The following NRG3 variants were observed in gnomAD, a reference collection of about 807,000 sequenced individuals.
NRG3 encodes pro-neuregulin-3, membrane-bound isoform.
NRG3 carries 31 observed loss-of-function variants against 66.9 expected under a neutral mutation model. The ratio of observed to expected loss-of-function variants is 0.46; its 90% confidence interval spans 0.35 to 0.63. The LOEUF (loss-of-function observed/expected upper bound fraction) is 0.63. Ranked by LOEUF, NRG3 falls within the 20% of genes least tolerant of loss-of-function variation. The probability of loss-of-function intolerance (pLI) is 0.00; values close to 1 mark genes in which losing one functional copy is unlikely to be tolerated. For synonymous variants in NRG3, 393 were observed against 359.4 expected (o/e 1.09, Z -1.06); for missense variants, 910 against 878.9 (o/e 1.04, Z -0.45).
At chr10:81,982,538 A>G (rs1362036000) in intron 1 of NRG3, among the ~76,000 whole-genome samples, 1 of 152,202 alleles carries the variant, frequency 6.6e-6, no homozygotes, top group Non-Finnish European at 1.5e-5. Context: ...AATACCACAG[A>G]CAACAAAAAT....
At chr10:82,330,418 A>C (rs2082087544) in intron 1 of NRG3, among the ~76,000 whole-genome samples, 1 of 152,180 alleles carries the variant, frequency 6.6e-6, no homozygotes, top group Admixed American at 6.5e-5. Context: ...GTTTATAATC[A>C]GGTTAACAGA....
intron 4 of NRG3, among the ~76,000 whole-genome samples, chr10:82,874,315 T>C (rs1591797107): frequency 2.0e-5 from 3 of 152,112 alleles, no homozygotes. Context: ...CCTTTAAATC[T>C]AACAGGCTCA....
chr10:82,894,964 A>G (rs775574115), intron 4 of NRG3, among the ~76,000 whole-genome samples: 8 of 151,262 alleles, frequency 5.3e-5, no homozygotes, highest in African/African-American at 1.9e-4. Flanking sequence ...TCTTTGTTCA[A>G]CTCCCACTTA....
intron 1 of NRG3, among the ~76,000 whole-genome samples, chr10:82,116,695 T>A (rs1426270596): frequency 6.6e-6 from 1 of 152,182 alleles, no homozygotes; most frequent in African/African-American, 2.4e-5. Flanking sequence ...AATAGACATA[T>A]AACTCTTCCT....
intron 2 of NRG3, among the ~76,000 whole-genome samples, chr10:82,418,751 C>G (rs1288402847): frequency 1.3e-5 from 2 of 150,716 alleles, no homozygotes; most frequent in East Asian, 2.0e-4. Context: ...TACATGCCAC[C>G]ATGCCCTGCT....
intron 1 of NRG3, among the ~76,000 whole-genome samples, chr10:81,929,062 C>T (rs568382158): frequency 2.0e-4 from 30 of 152,186 alleles, no homozygotes; most frequent in East Asian, 1.2e-3. Flanking sequence ...TCTGGGCACG[C>T]GCAGTTCTCC....
At chr10:82,225,892 C>T (rs1203984600) in intron 1 of NRG3, among the ~76,000 whole-genome samples, 4 of 152,094 alleles carry the variant, frequency 2.6e-5, no homozygotes, top group East Asian at 1.9e-4. Context: ...ATTAAGATCA[C>T]GTGGCATATT....
intron 4 of NRG3, among the ~76,000 whole-genome samples, chr10:82,887,513 G>C (rs1406435916): frequency 6.6e-6 from 1 of 152,184 alleles, no homozygotes; most frequent in Admixed American, 6.5e-5. Context: ...ATAATTTGCT[G>C]TGAGGTAATT....
intron 2 of NRG3, among the ~76,000 whole-genome samples, chr10:82,627,138 A>T (rs1456883919): frequency 6.6e-6 from 1 of 152,144 alleles, no homozygotes; most frequent in Non-Finnish European, 1.5e-5. Flanking sequence ...GGATCTCCAG[A>T]AGTCCTGTGG....
In NRG3 at chr10:82,482,920, A is replaced by C. The variant is rs1360953934; in HGVS notation, c.953+124052A>C. 2.6e-5 allele frequency among the ~76,000 whole-genome samples: 4 copies of C among 152,146 alleles called. No individual in the cohort carries two copies. In the East Asian group the frequency reaches 7.7e-4, roughly 29 times the overall value. Reference sequence around the variant, plus strand: ...TACAGAGTCTGAGTGAACCAAAATGAGCCTTGGAGGGAGTAAATCTTACTG... The same window carrying C: ...TACAGAGTCTGAGTGAACCAAAATGCGCCTTGGAGGGAGTAAATCTTACTG... On this transcript the variant is annotated intron_variant, in intron 2 of 8. Transcript: ENST00000372141.
chr10:81,899,536 G>A (rs1193215285), intron 1 of NRG3, among the ~76,000 whole-genome samples: 1 of 152,188 alleles, frequency 6.6e-6, no homozygotes, highest in East Asian at 1.9e-4. Context: ...AGAGGTAAGG[G>A]GGAATGTGCT....
At chr10:82,240,580 C>T (rs7085458) in intron 1 of NRG3, among the ~76,000 whole-genome samples, 17,799 of 152,028 alleles carry the variant, frequency 0.12, 1,138 homozygotes, top group East Asian at 0.22. Context: ...CACAGAGAAA[C>T]GTCTGATGCT....
intron 2 of NRG3, among the ~76,000 whole-genome samples, chr10:82,731,962 A>G (rs956182589): frequency 1.3e-5 from 2 of 152,200 alleles, no homozygotes; most frequent in African/African-American, 2.4e-5. Flanking sequence ...ATAACAATGT[A>G]CTATATACCT....
intron 3 of NRG3, among the ~76,000 whole-genome samples, chr10:82,792,692 A>AT (rs1376527272): frequency 1.3e-5 from 2 of 151,406 alleles, no homozygotes; most frequent in East Asian, 1.9e-4. Flanking sequence ...TTATTTATTT[A>AT]TTTTTTTGAC....
chr10:82,602,644 T>C (rs1391816552), intron 2 of NRG3, among the ~76,000 whole-genome samples: 4 of 152,132 alleles, frequency 2.6e-5, no homozygotes, highest in Non-Finnish European at 4.4e-5. Flanking sequence ...CCACCTAATA[T>C]GTTTTTTTGA....
intron 2 of NRG3, among the ~76,000 whole-genome samples, chr10:82,378,146 G>A (rs2085377190): frequency 6.6e-6 from 1 of 152,178 alleles, no homozygotes; most frequent in Admixed American, 6.5e-5. Flanking sequence ...ATAGTTGTAG[G>A]GGAGAGAATG....
chr10:82,702,843 TA>T (rs2055991948), intron 2 of NRG3, among the ~76,000 whole-genome samples: 1 of 152,160 alleles, frequency 6.6e-6, no homozygotes, highest in African/African-American at 2.4e-5. Context: ...CAGATGTACA[TA>T]AATGTGATAA....
chr10:82,093,536 G>T (rs1378308327), intron 1 of NRG3, among the ~76,000 whole-genome samples: 1 of 152,192 alleles, frequency 6.6e-6, no homozygotes, highest in Non-Finnish European at 1.5e-5. Context: ...TGAGGAAATA[G>T]ATATGAAAGC....
intron 2 of NRG3, among the ~76,000 whole-genome samples, chr10:82,391,993 C>CAAAAAA (rs775895969): frequency 1.3e-4 from 5 of 38,822 alleles, no homozygotes; most frequent in African/African-American, 2.0e-4. Flanking sequence ...CGAGCACATG[C>CAAAAAA]AAAAAAAAAA....
Sources: allele counts gnomAD v4.1 joint callset (sites outside exome capture counted in the v4.1 genomes callset), GRCh38; gene constraint gnomAD v4.1.1; transcripts MANE v1.5; gene names NCBI Gene and HGNC (gene_info 2026-07-23, HGNC 2026-07-21).